SH3D19: variants seen among roughly 807,000 people sequenced by gnomAD.
The protein encoded by SH3D19 is SH3 domain-containing protein 19.
In SH3D19, 58 loss-of-function variants were observed where a neutral mutation model predicts 112.1. The observed-to-expected ratio is 0.52, with a 90% CI of 0.42 to 0.64. The LOEUF is 0.64. Ranked by LOEUF, SH3D19 falls within the 30% of genes least tolerant of loss-of-function variation. The pLI is 0.00. For synonymous variants in SH3D19, 391 were observed against 448.5 expected (o/e 0.87, Z 1.62); for missense variants, 1,090 against 1,263.4 (o/e 0.86, Z 2.08).
chr4:151,196,338 G>C (rs1293488664), intron 2 of SH3D19, among the ~76,000 whole-genome samples: 1 of 152,148 alleles, frequency 6.6e-6, no homozygotes, highest in Non-Finnish European at 1.5e-5. Context: ...CTGAGGCAGG[G>C]GGATGGCTTG....
intron 1 of SH3D19, among the ~76,000 whole-genome samples, chr4:151,252,817 A>G (rs1771520036): frequency 6.6e-6 from 1 of 151,690 alleles, no homozygotes; most frequent in South Asian, 2.1e-4. Context: ...CAGTACTTCC[A>G]CTCTTCCAAT....
intron 13 of SH3D19, 96 bp downstream of exon 13, chr4:151,139,679 A>G: frequency 9.3e-7 from 1 of 1,074,424 alleles, no homozygotes; most frequent in Non-Finnish European, 1.4e-6. Context: ...GCACAGAAAA[A>G]TGAAGAAGGA....
intron 9 of SH3D19, among the ~76,000 whole-genome samples, chr4:151,150,955 ATTCTT>A (rs1754953916): frequency 7.1e-6 from 1 of 140,898 alleles, no homozygotes; most frequent in Admixed American, 7.0e-5. Context: ...CCCTCACAAA[ATTCTT>A]TTTTTTTTTT....
At chr4:151,227,889 A>G in intron 1 of SH3D19, 1 of 985,256 alleles carries the variant, frequency 1.0e-6, no homozygotes, top group Non-Finnish European at 1.2e-6. Context: ...ACAACACACA[A>G]GAGGAAGGGA....
At chr4:151,314,578 A>G (rs2126384448) in intron 1 of SH3D19, among the ~76,000 whole-genome samples, 1 of 152,352 alleles carries the variant, frequency 6.6e-6, no homozygotes, top group East Asian at 1.9e-4. Flanking sequence ...AACAAAATGT[A>G]TTACAGCTTG....
intron 1 of SH3D19, among the ~76,000 whole-genome samples, chr4:151,279,383 T>C (rs549734231): frequency 3.9e-5 from 6 of 152,232 alleles, no homozygotes; most frequent in Admixed American, 1.3e-4. Context: ...TGATATTCCA[T>C]GTGTGCTGCT....
Position 151,175,424 on chromosome 4 carries a change from T to C in SH3D19, c.780A>G (p.Ser260=). 1.0e-5 allele frequency: 16 copies of C among 1,536,706 alleles called. No individual in the cohort carries two copies. Among genetic ancestry groups the C allele is most frequent in the Middle Eastern group, 1.8e-4 (1 of 5,586 alleles). The change falls in exon 7 of 20, where the codon TCA becomes TCG. Residue 260 remains serine, a synonymous_variant. Transcript: ENST00000604030. ...GCAGAGACTGGGGCCGGCCTGGGGA[T>C]GACTCCTCTCCTACGGCTGCTGGGC... The part of the protein sequence containing the change: ...KISPAAVGEE[S]SPGRPQSLLD...
intron 1 of SH3D19, among the ~76,000 whole-genome samples, chr4:151,319,764 T>C (rs1028422310): frequency 6.6e-6 from 1 of 152,218 alleles, no homozygotes; most frequent in African/African-American, 2.4e-5. Flanking sequence ...AGAATCCAAA[T>C]GAATGCAGTT....
intron 1 of SH3D19, among the ~76,000 whole-genome samples, chr4:151,319,718 C>G (rs1031420760): frequency 6.6e-6 from 1 of 152,120 alleles, no homozygotes; most frequent in Non-Finnish European, 1.5e-5. Flanking sequence ...AAAATGGGAA[C>G]AAAAAACTTA....
chr4:151,174,744 C>CTGA lies in SH3D19; in HGVS notation c.1457_1459dup (p.Ile486dup). 6.5e-7 allele frequency: 1 copy of CTGA among 1,527,320 alleles called. No individual in the cohort carries two copies. The highest frequency in any genetic ancestry group is 1.8e-4 in the Middle Eastern group (1 of 5,624). The allele number at this position is 1,527,320 out of a possible 1,614,324, so 94.6% of individuals were successfully genotyped here. On this transcript the variant is annotated inframe_insertion, in exon 7 of 20. Transcript: ENST00000604030. ...GGTGGGCAAAACATCATCATCAAAGCTGATGAGATCGATGTCCACCAAGGG... is the reference window on the plus strand; with the variant it reads ...GGTGGGCAAAACATCATCATCAAAGCTGATGATGAGATCGATGTCCACCAAGGG...
At position 151,293,196 on chromosome 4, in the gene SH3D19, T is replaced by G. The variant is rs112415085; in HGVS notation, c.112+32045A>C. The stretch of plus-strand genomic sequence containing the variant: ...AGAAAATAAGGGTAGACTGGCCGGG[T>G]GTGGTGGCTCACGCCTGTAATCCCA... On this transcript the variant is annotated intron_variant, in intron 1 of 19. Coordinates refer to ENST00000604030, the MANE Select transcript of SH3D19 (RefSeq NM_001378122.1). Among the ~76,000 whole-genome samples, 618 of 148,092 alleles carry G rather than the reference T, an allele frequency of 4.2e-3. 4 individuals carry two copies. Among genetic ancestry groups the G allele is most frequent in the African/African-American group, 0.015 (594 of 40,136 alleles).
At chr4:151,316,881 C>T (rs1222695328) in intron 1 of SH3D19, among the ~76,000 whole-genome samples, 1 of 152,232 alleles carries the variant, frequency 6.6e-6, no homozygotes, top group Non-Finnish European at 1.5e-5. Context: ...TCCAAGCTTC[C>T]TCCTCAACCT....
chr4:151,238,066 G>A (rs1770266694), intron 1 of SH3D19, among the ~76,000 whole-genome samples: 1 of 152,174 alleles, frequency 6.6e-6, no homozygotes, highest in South Asian at 2.1e-4. Context: ...GAGAAAGAGA[G>A]CTAAAAGGCA....
intron 8 of SH3D19, 121 bp downstream of exon 8, chr4:151,165,468 T>C: frequency 1.3e-6 from 1 of 755,250 alleles, no homozygotes; most frequent in Non-Finnish European, 2.1e-6. Context: ...AATTTGCTTT[T>C]AAATAGCTTT....
At chr4:151,165,369 G>C (rs1397515288) in intron 8 of SH3D19, among the ~76,000 whole-genome samples, 1 of 151,894 alleles carries the variant, frequency 6.6e-6, no homozygotes, top group African/African-American at 2.4e-5. Flanking sequence ...GGAAGGGAAA[G>C]GGAAGCGAAG....
intron 1 of SH3D19, among the ~76,000 whole-genome samples, chr4:151,252,052 C>T (rs965235499): frequency 2.0e-5 from 3 of 152,170 alleles, no homozygotes; most frequent in East Asian, 1.9e-4. Flanking sequence ...TAGGAAAATC[C>T]GTCTGTGTTC....
chr4:151,144,107 T>G, intron 11 of SH3D19, 57 bp from the exon 12 acceptor site: 1 of 1,587,196 alleles, frequency 6.3e-7, no homozygotes, highest in Non-Finnish European at 8.6e-7. Flanking sequence ...ACATTATTAC[T>G]TTTTCACATT....
chr4:151,270,800 A>C lies in SH3D19; in HGVS notation c.113-44714T>G, dbSNP rs552472973. Reference sequence around the variant, plus strand: ...TGTATATGGACTAATTCTAGCACTTACTGATTTGTGAAACAAAAGCTTCAC... The same window carrying C: ...TGTATATGGACTAATTCTAGCACTTCCTGATTTGTGAAACAAAAGCTTCAC... On this transcript the variant is annotated intron_variant, in intron 1 of 19. Transcript: ENST00000604030. Among the ~76,000 whole-genome samples the C allele has an allele frequency of 3.9e-5, 6 of 152,356 alleles. No individual in the cohort carries two copies. The East Asian group carries it at 1.2e-3, about 29-fold the overall frequency.
At chr4:151,279,806 A>G (rs1329920724) in intron 1 of SH3D19, 1 of 1,613,782 alleles carries the variant, frequency 6.2e-7, no homozygotes. Flanking sequence ...TGTGTGGGCA[A>G]CCTGTATACT....
Sources: allele counts gnomAD v4.1 joint callset (sites outside exome capture counted in the v4.1 genomes callset), GRCh38; gene constraint gnomAD v4.1.1; transcripts MANE v1.5; gene names NCBI Gene and HGNC (gene_info 2026-07-23, HGNC 2026-07-21).